CEP85L: variants seen among roughly 807,000 people sequenced by gnomAD.
CEP85L encodes centrosomal protein of 85 kDa-like.
A neutral mutation model predicts 100.3 loss-of-function variants in CEP85L; 60 were observed. The ratio of observed to expected loss-of-function variants is 0.60; its 90% CI spans 0.49 to 0.74. CEP85L has a LOEUF of 0.74. CEP85L is among the 30% of genes least tolerant of loss of function. CEP85L has a pLI of 0.00. For synonymous variants in CEP85L, 319 were observed against 322.7 expected, an observed-to-expected ratio of 0.99 and a Z score of 0.12; for missense variants, 973 against 936.2, an observed-to-expected ratio of 1.04 and a Z score of -0.51.
rs1775549579 is a variant in CEP85L, at chr6:118,651,374, C to T, written c.-105G>A. Reference sequence around the variant, plus strand: ...GCGCGGAGCGTGGGCCTCGGCGACACGGGCAGGAGGAAAGGCGGGATGGCT... The same window carrying T: ...GCGCGGAGCGTGGGCCTCGGCGACATGGGCAGGAGGAAAGGCGGGATGGCT... On this transcript the variant is annotated 5_prime_UTR_variant, in exon 1 of 13. The change creates a new upstream start codon in the 5' untranslated region. Coordinates refer to ENST00000368491, the MANE Select transcript of CEP85L (RefSeq NM_001042475.3). 25 of 1,366,474 alleles carry T rather than the reference C, an allele frequency of 1.8e-5. No individual in the cohort carries two copies. The highest frequency in any genetic ancestry group is 2.4e-5 in the Non-Finnish European group (25 of 1,061,072). 84.6% of individuals were successfully genotyped at this position (1,366,474 alleles called of 1,614,324 possible).
At chr6:118,597,859 G>A (rs1227985569) in intron 2 of CEP85L, among the ~76,000 whole-genome samples, 1 of 152,174 alleles carries the variant, frequency 6.6e-6, no homozygotes, top group Non-Finnish European at 1.5e-5. Flanking sequence ...ACAGGAGAGA[G>A]TTATTTTTTA....
intron 5 of CEP85L, chr6:118,501,915 T>G (rs1360120042): frequency 1.8e-6 from 2 of 1,107,876 alleles, no homozygotes; most frequent in East Asian, 4.8e-5. Context: ...CTTTTAAGTT[T>G]AAAAGCAGTA....
intron 1 of CEP85L, among the ~76,000 whole-genome samples, chr6:118,693,264 C>T (rs988272558): frequency 6.6e-5 from 10 of 152,160 alleles, no homozygotes; most frequent in Non-Finnish European, 1.5e-4. Context: ...TTCCAAACCT[C>T]ATATTTTGTT....
At chr6:118,475,416 C>A (rs958553854) in intron 10 of CEP85L, among the ~76,000 whole-genome samples, 5 of 139,052 alleles carry the variant, frequency 3.6e-5, no homozygotes, top group African/African-American at 8.1e-5. Flanking sequence ...GACAGTGGCA[C>A]AATCTTGGCT....
chr6:118,635,712 G>A (rs1025892288), intron 1 of CEP85L, among the ~76,000 whole-genome samples: 4 of 152,144 alleles, frequency 2.6e-5, no homozygotes, highest in Non-Finnish European at 2.9e-5. Context: ...TAACTATTTT[G>A]AGCAGTATAA....
intron 1 of CEP85L, among the ~76,000 whole-genome samples, chr6:118,633,035 C>T (rs1036080751): frequency 1.3e-5 from 2 of 152,044 alleles, no homozygotes; most frequent in African/African-American, 2.4e-5. Context: ...ATAGGATATC[C>T]ACATGGAATA....
chr6:118,574,024 A>G (rs1283131401), intron 2 of CEP85L: 3 of 152,240 alleles, frequency 2.0e-5, no homozygotes, highest in African/African-American at 2.4e-5. Context: ...GTTAAGGACA[A>G]TAAGTTCTTC....
chr6:118,562,155 T>C (rs901504518), intron 3 of CEP85L, among the ~76,000 whole-genome samples: 2 of 152,196 alleles, frequency 1.3e-5, no homozygotes, highest in Non-Finnish European at 2.9e-5. Flanking sequence ...GTCATAGTGT[T>C]CACATCTTTG....
rs931271639 is a variant in CEP85L, at chr6:118,532,575, A to G, written c.1021-8655T>C. On this transcript the variant is annotated intron_variant, in intron 3 of 12. Transcript: ENST00000368491. ...ATAAAACTGTACTGTGTTTTATACC[A>G]TAACAATAAATCTAAAGATTTAGAT... Among the ~76,000 whole-genome samples, 3 of 152,310 alleles carry G rather than the reference A, an allele frequency of 2.0e-5. 1 individual carries two copies. Among genetic ancestry groups the G allele is most frequent in the South Asian group, 4.1e-4 (2 of 4,834 alleles).
At chr6:118,569,037 T>C (rs1779713015) in intron 2 of CEP85L, among the ~76,000 whole-genome samples, 1 of 152,048 alleles carries the variant, frequency 6.6e-6, no homozygotes, top group Non-Finnish European at 1.5e-5. Context: ...ATTTCAAAAC[T>C]ATTATATAGA....
intron 2 of CEP85L, among the ~76,000 whole-genome samples, chr6:118,626,744 G>A (rs142252596): frequency 1.7e-3 from 257 of 152,222 alleles, no homozygotes; most frequent in African/African-American, 5.4e-3. Flanking sequence ...GTCACTCGCC[G>A]CAGTCAGCCT....
intron 3 of CEP85L, among the ~76,000 whole-genome samples, chr6:118,524,466 A>C (rs769734336): frequency 2.0e-5 from 3 of 151,722 alleles, no homozygotes; most frequent in Non-Finnish European, 4.4e-5. Context: ...AACAAACAAA[A>C]CCATATAAGA....
At chr6:118,699,731 A>G (rs1777349286) in intron 1 of CEP85L, among the ~76,000 whole-genome samples, 1 of 152,144 alleles carries the variant, frequency 6.6e-6, no homozygotes, top group East Asian at 1.9e-4. Context: ...TCACTCTGTC[A>G]TGCAGGCTGG....
At chr6:118,513,391 A>C (rs933695994) in intron 4 of CEP85L, among the ~76,000 whole-genome samples, 1 of 152,122 alleles carries the variant, frequency 6.6e-6, no homozygotes. Context: ...AACATGAAGA[A>C]ATCTAAGACA....
chr6:118,604,351 T>G (rs968767116), intron 2 of CEP85L, among the ~76,000 whole-genome samples: 137 of 152,344 alleles, frequency 9.0e-4, no homozygotes, highest in African/African-American at 3.1e-3. Context: ...CCCCTTTAAC[T>G]TTAGTCAATA....
At chr6:118,505,595 T>A in intron 5 of CEP85L, among the ~76,000 whole-genome samples, 1 of 152,014 alleles carries the variant, frequency 6.6e-6, no homozygotes, top group East Asian at 1.9e-4. Flanking sequence ...AGAGGAAACT[T>A]AAATGCATAC....
chr6:118,600,300 G>GTGT (rs1554228039), intron 2 of CEP85L, among the ~76,000 whole-genome samples: 554 of 52,236 alleles, frequency 0.011, 110 homozygotes, highest in Admixed American at 0.02. Context: ...CCTTCCTGGG[G>GTGT]GTGTGTGTGT....
chr6:118,614,023 T>C (rs1772846040), intron 2 of CEP85L, among the ~76,000 whole-genome samples: 1 of 152,182 alleles, frequency 6.6e-6, no homozygotes, highest in South Asian at 2.1e-4. Flanking sequence ...AAAAGAATTA[T>C]ATACCATGAC....
chr6:118,637,178 A>G (rs565359146), intron 1 of CEP85L, among the ~76,000 whole-genome samples: 3 of 152,342 alleles, frequency 2.0e-5, no homozygotes, highest in Admixed American at 2.0e-4. Flanking sequence ...GCTATAAGAA[A>G]TGACAGAGAA....
Sources: gnomAD v4.1 joint callset for allele counts (sites outside exome capture counted in the v4.1 genomes callset) on GRCh38, gnomAD v4.1.1 for gene constraint, MANE v1.5 for transcripts, NCBI Gene and HGNC (gene_info 2026-07-23, HGNC 2026-07-21) for gene names.